Variants in HTR4 observed in about 807,000 individuals in gnomAD.
The protein encoded by HTR4 is 5-hydroxytryptamine receptor 4.
Under a neutral mutation model 36.8 loss-of-function variants are expected in HTR4, and 16 were observed. That is an observed-to-expected ratio of 0.43 (90% CI 0.29 to 0.66). The LOEUF is 0.66. Ranked by LOEUF, HTR4 falls within the 30% of genes least tolerant of loss-of-function variation. The pLI is 0.13. For missense variants in HTR4, 438 were observed against 490.9 expected (o/e 0.89, Z 1.02); for synonymous variants, 189 against 185.1 (o/e 1.02, Z -0.17).
intron 5 of HTR4, among the ~76,000 whole-genome samples, chr5:148,460,633 A>G (rs1050892367): frequency 6.6e-6 from 1 of 152,160 alleles, no homozygotes; most frequent in Non-Finnish European, 1.5e-5. Flanking sequence ...TTGCAAAAGG[A>G]AAAAATCTTC....
At chr5:148,498,302 A>T (rs1756775321) in intron 6 of HTR4, among the ~76,000 whole-genome samples, 1 of 152,198 alleles carries the variant, frequency 6.6e-6, no homozygotes, top group East Asian at 1.9e-4. Context: ...GAGGCCCCAC[A>T]ATATCAGAGT....
intron 4 of HTR4, 45 bp downstream of exon 4, chr5:148,548,623 T>C (rs761976711): frequency 2.8e-5 from 41 of 1,452,158 alleles, no homozygotes; most frequent in African/African-American, 4.2e-5. Flanking sequence ...CATCAAGTCA[T>C]GTCTCCAGCA....
In HTR4 at chr5:148,506,300, C is replaced by T. The variant is rs1334927842; in HGVS notation, c.1076+3156G>A. 2.0e-5 allele frequency among the ~76,000 whole-genome samples: 3 copies of T among 152,212 alleles called. No homozygotes were observed. The East Asian group carries it at 5.8e-4, about 29-fold the overall frequency. On this transcript the variant is annotated intron_variant, in intron 6 of 6. Transcript: ENST00000377888. Reference sequence around the variant, plus strand: ...AGGATTCCCTATATAATAAATGGTGCTGGGAAAACTGGCTAGCCATAGGTA... The same window carrying T: ...AGGATTCCCTATATAATAAATGGTGTTGGGAAAACTGGCTAGCCATAGGTA...
At chr5:148,472,196 GC>G (rs1222818796), downstream of HTR4, among the ~76,000 whole-genome samples, 1 of 152,172 alleles carries the variant, frequency 6.6e-6, no homozygotes, top group Non-Finnish European at 1.5e-5. Context: ...TTTATCTTCA[GC>G]CCCAAGATCA....
chr5:148,484,004 T>G (rs1756028855), intron 6 of HTR4, among the ~76,000 whole-genome samples: 1 of 151,902 alleles, frequency 6.6e-6, no homozygotes, highest in Non-Finnish European at 1.5e-5. Context: ...AACCATCACA[T>G]TTTACTCAGT....
At chr5:148,605,025 C>G (rs1752090077) in intron 2 of HTR4, among the ~76,000 whole-genome samples, 1 of 152,080 alleles carries the variant, frequency 6.6e-6, no homozygotes. Flanking sequence ...AATAAGGTAT[C>G]TCTGTATACC....
intron 2 of HTR4, among the ~76,000 whole-genome samples, chr5:148,579,655 T>G (rs917361926): frequency 6.6e-6 from 1 of 152,040 alleles, no homozygotes; most frequent in African/African-American, 2.4e-5. Flanking sequence ...GGATTCCCTT[T>G]TCAGCTCACA....
At chr5:148,549,860 T>G (rs1252248021) in intron 3 of HTR4, among the ~76,000 whole-genome samples, 1 of 152,140 alleles carries the variant, frequency 6.6e-6, no homozygotes, top group African/African-American at 2.4e-5. Flanking sequence ...AGATTATATG[T>G]GCTCTCAACA....
chr5:148,550,479 C>A (rs1581463865), intron 2 of HTR4, among the ~76,000 whole-genome samples: 4 of 152,326 alleles, frequency 2.6e-5, no homozygotes, highest in South Asian at 4.1e-4. Flanking sequence ...GCTTAGAGAG[C>A]TGAATTAACA....
chr5:148,616,412 G>A (rs1375656414), intron 2 of HTR4, among the ~76,000 whole-genome samples: 1 of 152,028 alleles, frequency 6.6e-6, no homozygotes, highest in African/African-American at 2.4e-5. Flanking sequence ...CTTCCCTCCT[G>A]ATCCTAATAG....
At chr5:148,476,970 T>A (rs1375084848), downstream of HTR4, among the ~76,000 whole-genome samples, 1 of 152,130 alleles carries the variant, frequency 6.6e-6, no homozygotes, top group Non-Finnish European at 1.5e-5. Flanking sequence ...GCAGGAGTAG[T>A]AGCTGAATGT....
chr5:148,615,429 A>G (rs1228151956), intron 2 of HTR4, among the ~76,000 whole-genome samples: 2 of 149,982 alleles, frequency 1.3e-5, no homozygotes, highest in African/African-American at 4.9e-5. Context: ...CTATCACAAG[A>G]ACAAAAAACC....
At chr5:148,506,961 T>C (rs1005509986) in intron 6 of HTR4, among the ~76,000 whole-genome samples, 1 of 152,192 alleles carries the variant, frequency 6.6e-6, no homozygotes, top group Non-Finnish European at 1.5e-5. Context: ...TGGAAGACAG[T>C]GTGGCGATTC....
intron 2 of HTR4, among the ~76,000 whole-genome samples, chr5:148,603,131 T>C (rs1762054223): frequency 6.6e-6 from 1 of 151,994 alleles, no homozygotes; most frequent in Non-Finnish European, 1.5e-5. Context: ...ATATGCATAT[T>C]TATCTCATAA....
chr5:148,629,339 A>G (rs532901345), intron 2 of HTR4: 27 of 152,326 alleles, frequency 1.8e-4, no homozygotes, highest in African/African-American at 6.3e-4. Context: ...CTTGCTTCTG[A>G]AATACTTCTA....
intron 4 of HTR4, among the ~76,000 whole-genome samples, chr5:148,547,687 G>A (rs952668745): frequency 7.9e-5 from 12 of 151,964 alleles, no homozygotes; most frequent in African/African-American, 2.9e-4. Context: ...GAGCACAGTA[G>A]CTCGAGACCA....
chr5:148,455,495 C>T (rs138984220), intron 5 of HTR4, among the ~76,000 whole-genome samples: 2 of 152,256 alleles, frequency 1.3e-5, no homozygotes, highest in African/African-American at 2.4e-5. Context: ...AGTCACTTGT[C>T]AGGAATAACT....
intron 1 of HTR4, among the ~76,000 whole-genome samples, chr5:148,647,937 C>G (rs1030403426): frequency 6.6e-6 from 1 of 152,162 alleles, no homozygotes; most frequent in Non-Finnish European, 1.5e-5. Flanking sequence ...TCATGAGTGA[C>G]CTTGGACTGG....
At chr5:148,600,314 A>G (rs960550432) in intron 2 of HTR4, among the ~76,000 whole-genome samples, 1 of 147,038 alleles carries the variant, frequency 6.8e-6, no homozygotes, top group Admixed American at 6.8e-5. Context: ...ATTATATTAT[A>G]TATTTTAATA....
Sources: allele counts gnomAD v4.1 joint callset (sites outside exome capture counted in the v4.1 genomes callset), GRCh38; gene constraint gnomAD v4.1.1; transcripts MANE v1.5; gene names NCBI Gene and HGNC (gene_info 2026-07-23, HGNC 2026-07-21).